The following PPP4R1 variants were observed in gnomAD, a reference collection of about 807,000 sequenced individuals.
PPP4R1 encodes the protein protein phosphatase 4 regulatory subunit 1, also known as serine/threonine-protein phosphatase 4 regulatory subunit 1.
PPP4R1 carries 42 observed loss-of-function variants against 111.2 expected under a neutral mutation model. That is an observed-to-expected ratio of 0.38 (90% CI 0.29 to 0.49). The LOEUF is 0.49. Ranked by LOEUF, PPP4R1 falls within the 20% of genes least tolerant of loss-of-function variation. PPP4R1 has a pLI of 0.97. For missense variants in PPP4R1, 1,012 were observed against 1,161.6 expected, an observed-to-expected ratio of 0.87 and a Z score of 1.87; for synonymous variants, 409 against 405.5, an observed-to-expected ratio of 1.01 and a Z score of -0.10.
intron 4 of PPP4R1, among the ~76,000 whole-genome samples, chr18:9,590,653 A>T (rs755690639): frequency 6.6e-6 from 1 of 152,136 alleles, no homozygotes; most frequent in Non-Finnish European, 1.5e-5. Context: ...ACTGGGAAAG[A>T]TGGTCTTCCC....
chr18:9,558,077 T>C (rs2066615749), intron 14 of PPP4R1, among the ~76,000 whole-genome samples: 1 of 152,226 alleles, frequency 6.6e-6, no homozygotes, highest in Non-Finnish European at 1.5e-5. Context: ...TAATTTTAAG[T>C]TAAAAACATC....
chr18:9,557,445 C>A (rs2066604984), intron 14 of PPP4R1, 63 bp from the exon 15 acceptor site: 1 of 1,406,240 alleles, frequency 7.1e-7, no homozygotes, highest in Non-Finnish European at 9.5e-7. Context: ...AACCATTAGG[C>A]AATATACAAA....
chr18:9,615,084 G>T, upstream of PPP4R1: 1 of 152,456 alleles, frequency 6.6e-6, no homozygotes, highest in South Asian at 2.1e-4. Context: ...ACCTCCTCTT[G>T]GAGGAAGCGC....
rs2067083633 is a variant in PPP4R1, at chr18:9,584,539, GCCAACTACACTGCAAATATCT to G, written c.714_734del (p.Asp239_Gly245del). ...CCAACATTTCTTCAGTAGCTTGCTG[GCCAACTACACTGCAAATATCT>G]CCAAAATTGGCAGCACAGACCTGAC... On this transcript the variant is annotated inframe_deletion, in exon 8 of 20. Coordinates refer to ENST00000400556, the MANE Select transcript of PPP4R1 (RefSeq NM_001042388.3). 1 of 1,612,732 alleles carries G rather than the reference GCCAACTACACTGCAAATATCT, an allele frequency of 6.2e-7. No homozygotes were observed. The highest frequency in any genetic ancestry group is 8.5e-7 in the Non-Finnish European group (1 of 1,179,464).
chr18:9,587,318 A>G (rs563009079), intron 6 of PPP4R1: 14 of 151,150 alleles, frequency 9.3e-5, no homozygotes, highest in African/African-American at 3.4e-4. Flanking sequence ...GTCCCTTTCT[A>G]GCCCTGATTG....
chr18:9,569,415 GACAA>G (rs903439490), intron 11 of PPP4R1, among the ~76,000 whole-genome samples: 2 of 152,100 alleles, frequency 1.3e-5, no homozygotes, highest in African/African-American at 2.4e-5. Flanking sequence ...GCAGTAGTGC[GACAA>G]ACATTCTATA....
Position 9,552,175 on chromosome 18 carries a change from T to C in PPP4R1, c.2291+1147A>G, listed in dbSNP as rs368190718. Among the ~76,000 whole-genome samples the C allele has an allele frequency of 7.2e-5, 11 of 152,238 alleles. No homozygotes were observed. In the South Asian group the frequency reaches 1.4e-3, roughly 20 times the overall value. ...GGTGAGGTCTATAATCCAGAATATATAAAGAACTCTTACAACTCAACAACA... is the reference window on the plus strand; with the variant it reads ...GGTGAGGTCTATAATCCAGAATATACAAAGAACTCTTACAACTCAACAACA... On this transcript the variant is annotated intron_variant, in intron 16 of 19. Transcript: ENST00000400556.
At position 9,614,177 on chromosome 18, in the gene PPP4R1, C is replaced by A. The variant is rs1209553943; in HGVS notation, c.52+49G>T. The A allele has an allele frequency of 7.6e-7, 1 of 1,312,164 alleles. No individual in the cohort carries two copies. Among genetic ancestry groups the A allele is most frequent in the Non-Finnish European group, 9.8e-7 (1 of 1,016,990 alleles). 81.3% of individuals were successfully genotyped at this position (1,312,164 alleles called of 1,614,324 possible). ...AGGCCTCGCCGCCGCCCGCCCTCCCCGGCCGCTCCCCGCGGACTGCCAGGC... is the reference window on the plus strand; with the variant it reads ...AGGCCTCGCCGCCGCCCGCCCTCCCAGGCCGCTCCCCGCGGACTGCCAGGC... On this transcript the variant is annotated intron_variant, in intron 2 of 19. Coordinates refer to ENST00000400556, the MANE Select transcript of PPP4R1 (RefSeq NM_001042388.3). The surrounding 1 kb of genome is among the most constrained non-coding windows in gnomAD (Gnocchi z 4.1).
At chr18:9,586,170 T>C (rs2067113527) in intron 6 of PPP4R1, among the ~76,000 whole-genome samples, 1 of 151,784 alleles carries the variant, frequency 6.6e-6, no homozygotes, top group Admixed American at 6.5e-5. Flanking sequence ...ATTATTTCTC[T>C]ATCTATTAAG....
chr18:9,574,930 A>G (rs1054044528), intron 10 of PPP4R1, among the ~76,000 whole-genome samples: 6 of 152,208 alleles, frequency 3.9e-5, no homozygotes, highest in Admixed American at 6.5e-5. Flanking sequence ...CTTATTTTAC[A>G]TACTTTTAAA....
intron 8 of PPP4R1, 35 bp downstream of exon 8, chr18:9,584,480 C>T: frequency 6.4e-7 from 1 of 1,567,340 alleles, no homozygotes; most frequent in East Asian, 2.3e-5. Context: ...CTTTGTAACA[C>T]ACACTGTTTA....
Position 9,547,281 on chromosome 18 carries a change from C to T in PPP4R1, c.*508G>A, listed in dbSNP as rs1198081202. 1 of 155,532 alleles carries T rather than the reference C, an allele frequency of 6.4e-6. No individual in the cohort carries two copies. The highest frequency in any genetic ancestry group is 1.4e-5 in the Non-Finnish European group (1 of 69,730). 9.6% of individuals were successfully genotyped at this position (155,532 alleles called of 1,614,324 possible). On this transcript the variant is annotated 3_prime_UTR_variant, in exon 20 of 20. Coordinates refer to ENST00000400556, the MANE Select transcript of PPP4R1 (RefSeq NM_001042388.3). The stretch of plus-strand genomic sequence containing the variant: ...ATTTGCACACGTCACAAACGATTCA[C>T]ACACAGGGCTGGGCTGGACAGCTGG...
upstream of PPP4R1, among the ~76,000 whole-genome samples, chr18:9,616,149 AAC>A (rs2067685756): frequency 6.6e-6 from 1 of 152,234 alleles, no homozygotes; most frequent in Non-Finnish European, 1.5e-5. Flanking sequence ...AATTGGTCCC[AAC>A]TGACTCAAAC....
At chr18:9,609,060 C>G (rs2067533325) in intron 2 of PPP4R1, among the ~76,000 whole-genome samples, 2 of 152,022 alleles carry the variant, frequency 1.3e-5, no homozygotes, top group African/African-American at 4.8e-5. Flanking sequence ...CTGTCTCTCT[C>G]TCTCTCTCTT....
chr18:9,615,013 A>G (rs1202099101), upstream of PPP4R1: 1 of 152,004 alleles, frequency 6.6e-6, no homozygotes, highest in Non-Finnish European at 1.5e-5. Flanking sequence ...CCAGGCCTGC[A>G]CGTACGTCGT....
rs1384693301 is a variant in PPP4R1, at chr18:9,570,692, GT to G, written c.1047-10del. The G allele has an allele frequency of 2.6e-6, 4 of 1,510,914 alleles. No individual in the cohort carries two copies. In the African/African-American group the frequency reaches 5.6e-5, roughly 21 times the overall value. 93.6% of individuals were successfully genotyped at this position (1,510,914 alleles called of 1,614,324 possible). On this transcript the variant is annotated splice_polypyrimidine_tract_variant and intron_variant, in intron 10 of 19. Transcript: ENST00000400556. Reference sequence around the variant, plus strand: ...CTTCTTGATCTCTGGTCCTTTTATTGTTTTATTTGGTGGGAAAAAAACAATA... The same window carrying G: ...CTTCTTGATCTCTGGTCCTTTTATTGTTTATTTGGTGGGAAAAAAACAATA...
chr18:9,602,688 C>T (rs1253585912), intron 2 of PPP4R1, among the ~76,000 whole-genome samples: 6 of 151,916 alleles, frequency 3.9e-5, no homozygotes, highest in African/African-American at 1.5e-4. Context: ...GGTGAAATCC[C>T]ATCTCTTCTA....
chr18:9,583,642 C>T (rs2067068342), intron 8 of PPP4R1, among the ~76,000 whole-genome samples: 1 of 152,166 alleles, frequency 6.6e-6, no homozygotes, highest in South Asian at 2.1e-4. Context: ...GCTAGGATTA[C>T]AGGTGTGAGC....
At chr18:9,596,468 T>C (rs1462722403) in intron 2 of PPP4R1, among the ~76,000 whole-genome samples, 3 of 152,236 alleles carry the variant, frequency 2.0e-5, no homozygotes, top group East Asian at 3.8e-4. Flanking sequence ...TAGAGTAAGT[T>C]ATTGGCTCCA....
Sources: gnomAD v4.1 joint callset for allele counts (sites outside exome capture counted in the v4.1 genomes callset) on GRCh38, gnomAD v4.1.1 for gene constraint, Gnocchi (gnomAD v3.1) non-coding constraint, MANE v1.5 for transcripts, NCBI Gene and HGNC (gene_info 2026-07-23, HGNC 2026-07-21) for gene names.